The following ST6GALNAC3 variants were observed in gnomAD, a reference collection of about 807,000 sequenced individuals.
The protein encoded by ST6GALNAC3 is alpha-N-acetylgalactosaminide alpha-2,6-sialyltransferase 3.
ST6GALNAC3 carries 25 observed loss-of-function variants against 32.7 expected under a neutral mutation model. That is an observed-to-expected ratio of 0.76 (90% CI 0.56 to 1.07). The LOEUF is 1.07. Among genes scored for constraint, ST6GALNAC3 ranks in the 50% least tolerant of loss-of-function variants. The pLI, the probability that ST6GALNAC3 is intolerant of heterozygous loss-of-function variation, is 0.00. For missense variants in ST6GALNAC3, 355 were observed against 382.4 expected (o/e 0.93, Z 0.60); for synonymous variants, 129 against 133.1 (o/e 0.97, Z 0.21).
intron 3 of ST6GALNAC3, among the ~76,000 whole-genome samples, chr1:76,616,559 T>A (rs1648304523): frequency 6.6e-6 from 1 of 152,196 alleles, no homozygotes; most frequent in Non-Finnish European, 1.5e-5. Flanking sequence ...TGATACCCTT[T>A]TATTTGGCAA....
chr1:76,145,772 G>A (rs961631463), intron 1 of ST6GALNAC3, among the ~76,000 whole-genome samples: 4 of 152,238 alleles, frequency 2.6e-5, no homozygotes, highest in African/African-American at 4.8e-5. Context: ...TTTAATAGGG[G>A]CTTTAAAAAT....
chr1:76,463,197 A>G (rs866817660), intron 3 of ST6GALNAC3, among the ~76,000 whole-genome samples: 1 of 152,198 alleles, frequency 6.6e-6, no homozygotes, highest in African/African-American at 2.4e-5. Context: ...GGTTTGCAGA[A>G]TTATTTTATT....
intron 3 of ST6GALNAC3, among the ~76,000 whole-genome samples, chr1:76,520,729 C>G (rs1472640162): frequency 6.6e-6 from 1 of 152,100 alleles, no homozygotes; most frequent in African/African-American, 2.4e-5. Flanking sequence ...GACACCTTAT[C>G]ACTGTGATAT....
At chr1:76,407,603 A>G (rs1251055215) in intron 2 of ST6GALNAC3, among the ~76,000 whole-genome samples, 1 of 152,046 alleles carries the variant, frequency 6.6e-6, no homozygotes, top group Non-Finnish European at 1.5e-5. Flanking sequence ...CAGTGAAAAT[A>G]TTTTGAATGT....
intron 1 of ST6GALNAC3, among the ~76,000 whole-genome samples, chr1:76,134,458 C>T (rs1258363536): frequency 6.6e-6 from 1 of 152,224 alleles, no homozygotes; most frequent in East Asian, 1.9e-4. Flanking sequence ...TCCTCCAGCT[C>T]TAACATTCTG....
chr1:76,617,994 C>T (rs1045966506), intron 3 of ST6GALNAC3, among the ~76,000 whole-genome samples: 17 of 152,008 alleles, frequency 1.1e-4, no homozygotes, highest in Non-Finnish European at 8.8e-5. Flanking sequence ...TGTTTTGAAT[C>T]GTGAAATTAC....
chr1:76,276,523 G>A (rs1212495575), intron 1 of ST6GALNAC3, among the ~76,000 whole-genome samples: 1 of 152,078 alleles, frequency 6.6e-6, no homozygotes, highest in African/African-American at 2.4e-5. Flanking sequence ...CTGTGATATA[G>A]TATTCCATTG....
intron 3 of ST6GALNAC3, among the ~76,000 whole-genome samples, chr1:76,458,810 A>G (rs961932930): frequency 8.6e-5 from 13 of 151,854 alleles, no homozygotes; most frequent in Non-Finnish European, 1.8e-4. Context: ...AGTGCAGCGC[A>G]CCAACACGGC....
intron 2 of ST6GALNAC3, among the ~76,000 whole-genome samples, chr1:76,338,897 T>C (rs879397516): frequency 3.9e-5 from 6 of 152,176 alleles, no homozygotes; most frequent in Admixed American, 3.9e-4. Flanking sequence ...TTCCAAGATA[T>C]CCACCCAGGA....
At chr1:76,446,870 T>C (rs544389477) in intron 3 of ST6GALNAC3, among the ~76,000 whole-genome samples, 1 of 152,248 alleles carries the variant, frequency 6.6e-6, no homozygotes, top group South Asian at 2.1e-4. Flanking sequence ...CATTAAACCC[T>C]TTTTCCTGTA....
chr1:76,344,229 T>A (rs558208937), intron 2 of ST6GALNAC3, among the ~76,000 whole-genome samples: 1 of 152,294 alleles, frequency 6.6e-6, no homozygotes, highest in Non-Finnish European at 1.5e-5. Context: ...AAGTACATTG[T>A]TATAGGTCAG....
chr1:76,184,023 C>T (rs1404946145), intron 1 of ST6GALNAC3, among the ~76,000 whole-genome samples: 1 of 151,662 alleles, frequency 6.6e-6, no homozygotes, highest in Non-Finnish European at 1.5e-5. Context: ...TTCTTCTTGC[C>T]ACTTTTCTCT....
At chr1:76,225,536 G>A (rs928132290) in intron 1 of ST6GALNAC3, among the ~76,000 whole-genome samples, 14 of 152,184 alleles carry the variant, frequency 9.2e-5, no homozygotes, top group Non-Finnish European at 8.8e-5. Flanking sequence ...CAACCCAATA[G>A]CATTTAAGGC....
chr1:76,487,605 G>A (rs1439895159), intron 3 of ST6GALNAC3, among the ~76,000 whole-genome samples: 1 of 152,100 alleles, frequency 6.6e-6, no homozygotes, highest in Admixed American at 6.5e-5. Flanking sequence ...CTCTACATTG[G>A]TTGTTCTAGT....
At chr1:76,088,441 T>C (rs1164043723) in intron 1 of ST6GALNAC3, among the ~76,000 whole-genome samples, 1 of 152,156 alleles carries the variant, frequency 6.6e-6, no homozygotes, top group Non-Finnish European at 1.5e-5. Context: ...TTTTAAAAAA[T>C]GTATTTGAAG....
intron 1 of ST6GALNAC3, among the ~76,000 whole-genome samples, chr1:76,212,763 T>G (rs190503359): frequency 6.6e-6 from 1 of 152,320 alleles, no homozygotes. Flanking sequence ...ATGAAATGTT[T>G]CAGGATTTTT....
In ST6GALNAC3 at chr1:76,628,792, T is replaced by C. The variant is rs1649141213; in HGVS notation, c.904T>C (p.Trp302Arg). Reference protein sequence around the residue: ...KHRIIFTHPNWTLS With the variant: ...KHRIIFTHPNRTLS ...CAGGATAATATTTACACATCCAAAC[T>C]GGACATTGTCTTGATAATGGTTTTC... The change falls in exon 5 of 5, where the codon TGG becomes CGG. Residue 302 changes from tryptophan (W) to arginine (R), a missense_variant. Trp to Arg is a moderately radical substitution (Grantham distance 101). Transcript: ENST00000328299. 1 of 1,611,260 alleles carries C rather than the reference T, an allele frequency of 6.2e-7. No individual in the cohort carries two copies. The highest frequency in any genetic ancestry group is 8.5e-7 in the Non-Finnish European group (1 of 1,178,540).
At chr1:76,133,884 A>G (rs1034295416) in intron 1 of ST6GALNAC3, among the ~76,000 whole-genome samples, 1 of 152,162 alleles carries the variant, frequency 6.6e-6, no homozygotes, top group African/African-American at 2.4e-5. Flanking sequence ...ACAGAATGAC[A>G]AGAAGATGAG....
At chr1:76,524,534 A>G (rs944381434) in intron 3 of ST6GALNAC3, among the ~76,000 whole-genome samples, 1 of 152,176 alleles carries the variant, frequency 6.6e-6, no homozygotes, top group Non-Finnish European at 1.5e-5. Flanking sequence ...CATAATACTT[A>G]GCATATGTAA....
Sources: allele counts gnomAD v4.1 joint callset (sites outside exome capture counted in the v4.1 genomes callset), GRCh38; gene constraint gnomAD v4.1.1; transcripts MANE v1.5; gene names NCBI Gene and HGNC (gene_info 2026-07-23, HGNC 2026-07-21).